Variants in TEP1 observed in about 807,000 individuals in gnomAD.
TEP1 encodes telomerase associated protein 1, also known as telomerase protein component 1.
TEP1 carries 241 observed loss-of-function variants against 306.3 expected under a neutral mutation model. That is an observed-to-expected ratio of 0.79 (90% CI 0.71 to 0.88). The LOEUF (loss-of-function observed/expected upper bound fraction) is 0.88, where lower values mean the gene tolerates loss of function less well. TEP1 is among the 40% of genes least tolerant of loss of function. The probability of loss-of-function intolerance (pLI) is 0.00; values close to 1 mark genes in which losing one functional copy is unlikely to be tolerated. For missense variants in TEP1, 3,051 were observed against 3,276.1 expected, an observed-to-expected ratio of 0.93 and a Z score of 1.68; for synonymous variants, 1,289 against 1,305.5, an observed-to-expected ratio of 0.99 and a Z score of 0.27.
intron 36 of TEP1, 52 bp downstream of exon 36, chr14:20,378,929 C>T: frequency 6.2e-7 from 1 of 1,613,286 alleles, no homozygotes; most frequent in Non-Finnish European, 8.5e-7. Flanking sequence ...CCTGGGGCTT[C>T]CAAAAAATGG....
Position 20,383,492 on chromosome 14 carries a change from G to C in TEP1, c.3863C>G (p.Pro1288Arg). Reference sequence around the variant, plus strand: ...CCACCTCCTTCTCACACTCACCCGGGGAAGCTTCTTTGGGATCCAGTCTGA... The same window carrying C: ...CCACCTCCTTCTCACACTCACCCGGCGAAGCTTCTTTGGGATCCAGTCTGA... ...LISDWIPKKL[P>R]RCVHLVLSVS... The change falls in exon 26 of 55, where the codon CCC (proline) becomes CGC (arginine). Residue 1288 changes from proline (P) to arginine (R), a missense_variant. Transcript: ENST00000262715. The C allele has an allele frequency of 6.2e-7, 1 of 1,614,156 alleles. No individual in the cohort carries two copies. The highest frequency in any genetic ancestry group is 8.5e-7 in the Non-Finnish European group (1 of 1,180,004).
At position 20,387,551 on chromosome 14, in the gene TEP1, C is replaced by CAAAAAAAAAAAAAAA. The variant is rs34816712; in HGVS notation, c.2684+353_2684+354insTTTTTTTTTTTTTTT. On this transcript the variant is annotated intron_variant, in intron 18 of 54. Coordinates refer to ENST00000262715, the MANE Select transcript of TEP1 (RefSeq NM_007110.5). Reference sequence around the variant, plus strand: ...TGGGCGACACAGCGAGACTCCGTCTCAAAAAAAAAAAGAAATTAAGCAACT... The same window carrying CAAAAAAAAAAAAAAA: ...TGGGCGACACAGCGAGACTCCGTCTCAAAAAAAAAAAAAAAAAAAAAAAAAAGAAATTAAGCAACT... Among the ~76,000 whole-genome samples, 321 of 127,602 alleles carry CAAAAAAAAAAAAAAA rather than the reference C, an allele frequency of 2.5e-3. 10 individuals are homozygous for CAAAAAAAAAAAAAAA. Among genetic ancestry groups the CAAAAAAAAAAAAAAA allele is most frequent in the African/African-American group, 9.0e-3 (305 of 33,784 alleles). 83.7% of individuals were successfully genotyped at this position (127,602 alleles called of 152,430 possible).
At chr14:20,369,255 G>T (rs550425444) in intron 53 of TEP1, 89 bp downstream of exon 53, 2 of 1,352,912 alleles carry the variant, frequency 1.5e-6, no homozygotes, top group African/African-American at 1.4e-5. Context: ...TTATCTGCCC[G>T]CCTAGGCCTC....
intron 7 of TEP1, among the ~76,000 whole-genome samples, chr14:20,402,830 C>T (rs1878859995): frequency 6.6e-6 from 1 of 152,166 alleles, no homozygotes; most frequent in Non-Finnish European, 1.5e-5. Context: ...TTTTAACTCA[C>T]TTATCCAACT....
chr14:20,370,624 T>A (rs892159463), intron 51 of TEP1, among the ~76,000 whole-genome samples: 1 of 152,224 alleles, frequency 6.6e-6, no homozygotes, highest in Non-Finnish European at 1.5e-5. Flanking sequence ...TTAGCTATGA[T>A]GAATAAAGCT....
intron 39 of TEP1, 122 bp from the exon 40 acceptor site, chr14:20,377,875 C>T (rs1566446648): frequency 1.4e-6 from 2 of 1,452,128 alleles, no homozygotes; most frequent in East Asian, 4.6e-5. Flanking sequence ...GAGAGCTGCC[C>T]CTGCACACAG....
Position 20,378,008 on chromosome 14 carries a change from C to T in TEP1, c.5721+16G>A. ...ACTCCTCCTCACAACCCACCACCAG[C>T]CCTCTGCAAGCTGACCTTGCCATCC... On this transcript the variant is annotated intron_variant, in intron 39 of 54. Transcript: ENST00000262715. 6.2e-7 allele frequency: 1 copy of T among 1,611,958 alleles called. No homozygotes were observed. Among genetic ancestry groups the T allele is most frequent in the Non-Finnish European group, 8.5e-7 (1 of 1,179,870 alleles).
At chr14:20,400,741 G>A (rs747371963) in intron 9 of TEP1, 6 of 493,812 alleles carry the variant, frequency 1.2e-5, no homozygotes, top group Non-Finnish European at 2.2e-5. Context: ...TTTGTCATAT[G>A]TTGATAAAAA....
intron 18 of TEP1, 95 bp from the exon 19 acceptor site, chr14:20,386,718 G>A (rs1232524531): frequency 7.5e-7 from 1 of 1,330,876 alleles, no homozygotes. Context: ...CTGAGCACAA[G>A]CCAGGTACGA....
chr14:20,373,219 A>G (rs778252346), intron 47 of TEP1, 51 bp downstream of exon 47: 7 of 1,612,268 alleles, frequency 4.3e-6, no homozygotes, highest in Non-Finnish European at 5.9e-6. Context: ...GCCACCCTTG[A>G]CCTTTTTTTG....
chr14:20,378,009 C>A lies in TEP1; in HGVS notation c.5721+15G>T. 6.2e-7 allele frequency: 1 copy of A among 1,612,196 alleles called. No homozygotes were observed. The highest frequency in any genetic ancestry group is 8.5e-7 in the Non-Finnish European group (1 of 1,179,916). ...CTCCTCCTCACAACCCACCACCAGCCCTCTGCAAGCTGACCTTGCCATCCT... is the reference window on the plus strand; with the variant it reads ...CTCCTCCTCACAACCCACCACCAGCACTCTGCAAGCTGACCTTGCCATCCT... On this transcript the variant is annotated intron_variant, in intron 39 of 54. Transcript: ENST00000262715.
At chr14:20,392,844 G>A (rs1193165213) in intron 12 of TEP1, among the ~76,000 whole-genome samples, 1 of 151,956 alleles carries the variant, frequency 6.6e-6, no homozygotes, top group East Asian at 1.9e-4. Context: ...AATAAGGAAA[G>A]GTGAAATAAA....
At position 20,377,320 on chromosome 14, in the gene TEP1, T is replaced by C. The variant is rs750415032; in HGVS notation, c.6048A>G (p.Leu2016=). ...AGAGCTCCTGGGAAGTGGCCAGTCC[T>C]AGCACAGGCTTCTGGAATCTGGACA... The part of the protein sequence containing the change: ...WLLSRFQKPV[L]GLATSQELLA... The change falls in exon 41 of 55, where the codon CTA becomes CTG. Residue 2016 remains leucine, a synonymous_variant. Transcript: ENST00000262715. 1 of 1,614,090 alleles carries C rather than the reference T, an allele frequency of 6.2e-7. No individual in the cohort carries two copies. The highest frequency in any genetic ancestry group is 1.1e-5 in the South Asian group (1 of 91,076).
intron 12 of TEP1, among the ~76,000 whole-genome samples, chr14:20,393,594 G>A (rs1484718799): frequency 6.6e-6 from 1 of 152,040 alleles, no homozygotes; most frequent in Non-Finnish European, 1.5e-5. Flanking sequence ...GAGTTTGAGA[G>A]CAGCCTGGCC....
intron 1 of TEP1, among the ~76,000 whole-genome samples, chr14:20,409,977 G>GC (rs1187823255): frequency 2.4e-5 from 3 of 125,956 alleles, no homozygotes; most frequent in Non-Finnish European, 3.2e-5. Context: ...AGCCCAGATT[G>GC]GCCACTGCAC....
chr14:20,386,217 C>T (rs760862962), intron 19 of TEP1, 22 bp from the exon 20 acceptor site: 17 of 1,613,600 alleles, frequency 1.1e-5, no homozygotes, highest in African/African-American at 4.0e-5. Context: ...ATGATAGGGA[C>T]GTGTGGGAGT....
At position 20,410,020 on chromosome 14, in the gene TEP1, C is replaced by CAAAAAAA. The variant is rs570672845; in HGVS notation, c.-24-1564_-24-1558dup. ...TGGGCGACAGAGCAAGACTCTGTCT[C>CAAAAAAA]AAAAAAAAAAAAAAAAAAAAAAAAA... On this transcript the variant is annotated intron_variant, in intron 1 of 54. Coordinates refer to ENST00000262715, the MANE Select transcript of TEP1 (RefSeq NM_007110.5). Among the ~76,000 whole-genome samples, 325 of 58,912 alleles carry CAAAAAAA rather than the reference C, an allele frequency of 5.5e-3. 36 individuals are homozygous for CAAAAAAA. Among genetic ancestry groups the CAAAAAAA allele is most frequent in the Non-Finnish European group, 7.1e-3 (218 of 30,856 alleles). The allele number at this position is 58,912 out of a possible 152,430, so 38.6% of individuals were successfully genotyped here. A position where few individuals can be genotyped will look rare whatever the true frequency, so the allele number is the denominator to read the frequency against.
At chr14:20,412,054 G>A (rs1879716888) in intron 1 of TEP1, among the ~76,000 whole-genome samples, 2 of 152,168 alleles carry the variant, frequency 1.3e-5, no homozygotes, top group Admixed American at 6.5e-5. Flanking sequence ...CCTAAACTTA[G>A]TGTGAAAAAG....
At position 20,368,302 on chromosome 14, in the gene TEP1, C is replaced by A. The variant is rs932371181; in HGVS notation, c.*135G>T. ...CCACATGAGAACACAGGCAGGCCTA[C>A]ACTTGAGATTTTTTGACACTTCATT... On this transcript the variant is annotated 3_prime_UTR_variant, in exon 55 of 55. Coordinates refer to ENST00000262715, the MANE Select transcript of TEP1 (RefSeq NM_007110.5). 1.9e-6 allele frequency: 2 copies of A among 1,051,742 alleles called. No homozygotes were observed. The highest frequency in any genetic ancestry group is 1.6e-5 in the African/African-American group (1 of 62,312). The allele number at this position is 1,051,742 out of a possible 1,614,324, so 65.2% of individuals were successfully genotyped here.
Sources: allele counts gnomAD v4.1 joint callset (sites outside exome capture counted in the v4.1 genomes callset), GRCh38; gene constraint gnomAD v4.1.1; transcripts MANE v1.5; gene names NCBI Gene and HGNC (gene_info 2026-07-23, HGNC 2026-07-21).